SYNE2: variants seen among roughly 807,000 people sequenced by gnomAD.
SYNE2 encodes nesprin-2.
A neutral mutation model predicts 856.3 loss-of-function variants in SYNE2; 431 were observed. The ratio of observed to expected loss-of-function variants is 0.50; its 90% CI spans 0.47 to 0.55. The LOEUF (loss-of-function observed/expected upper bound fraction) is 0.55, where lower values mean the gene tolerates loss of function less well. Ranked by LOEUF, SYNE2 falls within the 20% of genes least tolerant of loss-of-function variation. The pLI is 0.00. For missense variants in SYNE2, 8,129 were observed against 8,023.2 expected, an observed-to-expected ratio of 1.01 and a Z score of -0.50; for synonymous variants, 2,923 against 2,872.3, an observed-to-expected ratio of 1.02 and a Z score of -0.56.
Position 64,093,357 on chromosome 14 carries a change from A to G in SYNE2, c.11985A>G (p.Ile3995Met). The change falls in exon 61 of 116, where the codon ATA (isoleucine) becomes ATG (methionine). Residue 3995 changes from isoleucine to methionine, a missense_variant. Around this residue, in one of 3 missense-constraint regions of SYNE2, gnomAD observed 5,410 missense variants for 5,284.8 expected, o/e 1.02. Transcript: ENST00000555002. ...TGGGGGTTATTTTATAGGTAGTCAT[A>G]AAACAGACCAATGAATGGGATGAAG... is the stretch of plus-strand genomic sequence containing the variant. ...QEQNELLKVVIKQTNEWDEEI... is the reference protein window; with the variant it reads ...QEQNELLKVVMKQTNEWDEEI... The G allele has an allele frequency of 6.2e-7, 1 of 1,613,900 alleles. No homozygotes were observed.
chr14:64,149,287 G>A (rs1335694880), intron 84 of SYNE2, among the ~76,000 whole-genome samples: 1 of 151,918 alleles, frequency 6.6e-6, no homozygotes, highest in Non-Finnish European at 1.5e-5. Context: ...TCCTGGATAA[G>A]ACCCCATCTC....
At chr14:64,152,738 G>A in intron 85 of SYNE2, 22 bp downstream of exon 85, 1 of 1,613,696 alleles carries the variant, frequency 6.2e-7, no homozygotes, top group East Asian at 2.2e-5. Context: ...CATTTGAAAT[G>A]TGCTATTTCT....
At chr14:64,132,164 G>T in intron 76 of SYNE2, 101 bp from the exon 77 acceptor site, 1 of 1,398,580 alleles carries the variant, frequency 7.2e-7, no homozygotes, top group Non-Finnish European at 9.9e-7. Flanking sequence ...CTGGGATTTT[G>T]GATTTAAAAC....
chr14:64,208,654 T>C (rs1040037082), intron 100 of SYNE2, 104 bp from the exon 101 acceptor site: 1 of 1,190,802 alleles, frequency 8.4e-7, no homozygotes, highest in African/African-American at 1.5e-5. Context: ...CAGGGAAGTA[T>C]CCCCTGAGCT....
At chr14:64,002,168 G>A (rs2096760267) in intron 29 of SYNE2, 87 bp downstream of exon 29, 2 of 1,116,726 alleles carry the variant, frequency 1.8e-6, no homozygotes, top group African/African-American at 3.1e-5. Context: ...AATTATTCAT[G>A]ATAGCATAGA....
chr14:63,992,267 C>T (rs1458648693), intron 21 of SYNE2, among the ~76,000 whole-genome samples: 1 of 151,624 alleles, frequency 6.6e-6, no homozygotes, highest in African/African-American at 2.4e-5. Flanking sequence ...GGGTCCTAGT[C>T]TCCCTCTTTG....
intron 1 of SYNE2, among the ~76,000 whole-genome samples, chr14:63,818,843 C>A (rs1889107511): frequency 6.6e-6 from 1 of 151,672 alleles, no homozygotes; most frequent in Admixed American, 6.6e-5. Context: ...GTAATACAGG[C>A]ACCCGCCACC....
rs753374748 is a variant in SYNE2 at position 64,167,313 on chromosome 14, C to T, written c.16686C>T (p.Asp5562=). The change falls in exon 91 of 116, where the codon GAC becomes GAT. Residue 5562 remains aspartate (D), a synonymous_variant. Coordinates refer to ENST00000555002, the MANE Select transcript of SYNE2 (RefSeq NM_182914.3). ...NEVSLKLPLS[D]VAVKTLQNMN... is the part of the protein sequence containing the mutation. ...TGAGCCTCAAGCTCCCACTTAGTGA[C>T]GTAGCTGTGAAGACGTTACAAAATA... is the stretch of plus-strand genomic sequence containing the variant. The T allele has an allele frequency of 6.2e-6, 10 of 1,614,096 alleles. No individual in the cohort carries two copies. Among genetic ancestry groups the T allele is most frequent in the Middle Eastern group, 1.6e-4 (1 of 6,084 alleles).
At chr14:64,122,605 G>A (rs1286055728) in intron 70 of SYNE2, 178 bp downstream of exon 70, 11 of 766,220 alleles carry the variant, frequency 1.4e-5, no homozygotes, top group Non-Finnish European at 2.4e-5. Flanking sequence ...TTGTGCTTCT[G>A]TAGCACCCAG....
At chr14:63,955,354 T>C (rs2096228624) in intron 8 of SYNE2, among the ~76,000 whole-genome samples, 1 of 152,198 alleles carries the variant, frequency 6.6e-6, no homozygotes, top group African/African-American at 2.4e-5. Flanking sequence ...CCCTATGTGG[T>C]TGGTCATTGA....
At chr14:64,179,437 G>C (rs1227137959) in intron 96 of SYNE2, among the ~76,000 whole-genome samples, 8 of 152,192 alleles carry the variant, frequency 5.3e-5, no homozygotes, top group Non-Finnish European at 1.0e-4. Flanking sequence ...CACAGCGCCT[G>C]GCCTACAATG....
intron 27 of SYNE2, 116 bp downstream of exon 27, chr14:63,999,156 A>G (rs756513833): frequency 1.9e-6 from 2 of 1,031,252 alleles, no homozygotes; most frequent in Non-Finnish European, 2.9e-6. Flanking sequence ...TTTCCAAAGA[A>G]CTCTCTTTGC....
upstream of SYNE2, among the ~76,000 whole-genome samples, chr14:63,848,937 C>T (rs1388225092): frequency 2.0e-5 from 3 of 152,236 alleles, no homozygotes; most frequent in Admixed American, 6.5e-5. Flanking sequence ...ACTGGCAATA[C>T]ACAACTTGCA....
chr14:64,084,905 C>A, intron 57 of SYNE2: 1 of 700,588 alleles, frequency 1.4e-6, no homozygotes, highest in Non-Finnish European at 2.6e-6. Flanking sequence ...GAGGTGGGAT[C>A]TGCTTCCAAG....
At chr14:64,217,781 A>G (rs1414446420) in intron 108 of SYNE2, among the ~76,000 whole-genome samples, 1 of 152,180 alleles carries the variant, frequency 6.6e-6, no homozygotes, top group East Asian at 1.9e-4. Context: ...AATAGGCCAT[A>G]CAGACAGAAG....
intron 84 of SYNE2, among the ~76,000 whole-genome samples, chr14:64,151,846 T>C (rs984006374): frequency 2.0e-5 from 3 of 152,208 alleles, no homozygotes; most frequent in African/African-American, 7.2e-5. Context: ...GTTTAAACTT[T>C]TTCCAAGTTG....
chr14:63,937,757 G>A (rs1252414742), intron 2 of SYNE2, among the ~76,000 whole-genome samples: 1 of 152,208 alleles, frequency 6.6e-6, no homozygotes, highest in Non-Finnish European at 1.5e-5. Flanking sequence ...CCTGTTTGTA[G>A]GATGAAGTGC....
At chr14:63,783,629 C>G (rs940066020) in intron 1 of SYNE2, among the ~76,000 whole-genome samples, 5 of 152,158 alleles carry the variant, frequency 3.3e-5, no homozygotes, top group South Asian at 2.1e-4. Context: ...TAACCTGAAT[C>G]TAATTATGAT....
At chr14:64,161,345 GAAAA>G (rs769939533) in intron 87 of SYNE2, among the ~76,000 whole-genome samples, 3 of 123,550 alleles carry the variant, frequency 2.4e-5, no homozygotes, top group South Asian at 2.5e-4. Flanking sequence ...CCCTGTTTCA[GAAAA>G]AAAAAAAAAG....
Sources: allele counts gnomAD v4.1 joint callset (sites outside exome capture counted in the v4.1 genomes callset), GRCh38; gene constraint gnomAD v4.1.1; regional missense constraint gnomAD v4.1.1; transcripts MANE v1.5; gene names NCBI Gene and HGNC (gene_info 2026-07-23, HGNC 2026-07-21).